MNAT1: variants seen among roughly 807,000 people sequenced by gnomAD.
The protein encoded by MNAT1 is CDK-activating kinase assembly factor MAT1.
A neutral mutation model predicts 42.0 loss-of-function variants in MNAT1; 43 were observed. The observed-to-expected ratio is 1.02, with a 90% confidence interval of 0.80 to 1.32. MNAT1 has a LOEUF of 1.32. MNAT1 is among the 40% of genes most tolerant of loss of function. The pLI, the probability that MNAT1 is intolerant of heterozygous loss-of-function variation, is 0.00. For missense variants in MNAT1, 306 were observed against 350.4 expected, an observed-to-expected ratio of 0.87 and a Z score of 1.01; for synonymous variants, 118 against 120.0, an observed-to-expected ratio of 0.98 and a Z score of 0.11.
chr14:60,917,503 C>T (rs2035547522), intron 7 of MNAT1, among the ~76,000 whole-genome samples: 2 of 152,174 alleles, frequency 1.3e-5, no homozygotes, highest in East Asian at 1.9e-4. Flanking sequence ...CAGTGCCCTT[C>T]GAATGCAACT....
Position 60,968,419 on chromosome 14 carries a change from A to G in MNAT1, c.*70A>G. ...AAAAGTAAAGCAGACTTATAAAATT[A>G]TAGCTATGTGCAGCTGCACAACACA... On this transcript the variant is annotated 3_prime_UTR_variant, in exon 8 of 8. Transcript: ENST00000261245. 6.4e-7 allele frequency: 1 copy of G among 1,567,968 alleles called. No homozygotes were observed. Among genetic ancestry groups the G allele is most frequent in the Non-Finnish European group, 8.6e-7 (1 of 1,159,498 alleles).
In MNAT1 at chr14:60,930,324, C is replaced by T. The variant is rs142224340; in HGVS notation, c.810-37905C>T. ...TGTTCATTTTTGTTTCTCCATCTCA[C>T]TATACTCTACCCTGTCCCCTCATAC... On this transcript the variant is annotated intron_variant, in intron 7 of 7. Transcript: ENST00000261245. 1.7e-4 allele frequency among the ~76,000 whole-genome samples: 25 copies of T among 151,338 alleles called. No individual in the cohort carries two copies. The East Asian group carries it at 4.5e-3, about 27-fold the overall frequency.
intron 1 of MNAT1, among the ~76,000 whole-genome samples, chr14:60,795,303 CTGAG>C (rs1308769137): frequency 1.3e-5 from 2 of 152,152 alleles, no homozygotes; most frequent in African/African-American, 4.8e-5. Context: ...ACCTGCCTGA[CTGAG>C]TGGTAGTATG....
intron 1 of MNAT1, among the ~76,000 whole-genome samples, chr14:60,773,676 A>G (rs2031147068): frequency 6.6e-6 from 1 of 152,098 alleles, no homozygotes; most frequent in Admixed American, 6.6e-5. Flanking sequence ...CAGAAAGAAC[A>G]GGAATTGTTG....
chr14:60,792,604 T>C (rs1330188155), intron 1 of MNAT1, among the ~76,000 whole-genome samples: 2 of 152,218 alleles, frequency 1.3e-5, no homozygotes, highest in East Asian at 3.8e-4. Flanking sequence ...AAGTCTTAAG[T>C]ATAGAGTTTT....
At chr14:60,815,132 T>G (rs1424293398) in intron 5 of MNAT1, among the ~76,000 whole-genome samples, 1 of 152,178 alleles carries the variant, frequency 6.6e-6, no homozygotes, top group Non-Finnish European at 1.5e-5. Context: ...GCTTTTAACA[T>G]TTTATGTTCC....
chr14:60,802,520 T>G (rs903085907), intron 3 of MNAT1, among the ~76,000 whole-genome samples: 1 of 152,180 alleles, frequency 6.6e-6, no homozygotes, highest in Non-Finnish European at 1.5e-5. Context: ...GATTTTATCT[T>G]GTGGCTAAGA....
At chr14:60,784,203 T>TTTTTTTTTTTC (rs1555374426) in intron 1 of MNAT1, among the ~76,000 whole-genome samples, 1 of 145,266 alleles carries the variant, frequency 6.9e-6, no homozygotes, top group Non-Finnish European at 1.5e-5. Context: ...TTTTTTTTTT[T>TTTTTTTTTTTC]AGTAGAGGCG....
chr14:60,825,300 T>G (rs1002468404), intron 6 of MNAT1, among the ~76,000 whole-genome samples: 1 of 152,154 alleles, frequency 6.6e-6, no homozygotes, highest in Non-Finnish European at 1.5e-5. Context: ...TGGCATAGTA[T>G]TTACATGAAT....
intron 1 of MNAT1, among the ~76,000 whole-genome samples, chr14:60,774,068 TA>T (rs1248872026): frequency 3.3e-5 from 5 of 152,310 alleles, no homozygotes; most frequent in Non-Finnish European, 5.9e-5. Flanking sequence ...GATTGGATGG[TA>T]AAAAAGTCCT....
At chr14:60,910,840 C>A (rs1203425860) in intron 7 of MNAT1, among the ~76,000 whole-genome samples, 2 of 152,078 alleles carry the variant, frequency 1.3e-5, no homozygotes, top group Non-Finnish European at 2.9e-5. Context: ...TGGCCTCATA[C>A]AATGCATTAG....
intron 5 of MNAT1, among the ~76,000 whole-genome samples, chr14:60,814,001 T>C (rs1385092094): frequency 6.6e-6 from 1 of 152,136 alleles, no homozygotes; most frequent in Non-Finnish European, 1.5e-5. Flanking sequence ...AGAGTGACAT[T>C]ATAACTGAGA....
intron 6 of MNAT1, among the ~76,000 whole-genome samples, chr14:60,869,543 G>A (rs954959196): frequency 2.0e-5 from 3 of 152,038 alleles, no homozygotes; most frequent in Non-Finnish European, 4.4e-5. Context: ...GAAGATGAGG[G>A]TAGTTTGATG....
At chr14:60,886,666 T>C (rs192789365) in intron 7 of MNAT1, among the ~76,000 whole-genome samples, 3 of 152,256 alleles carry the variant, frequency 2.0e-5, no homozygotes, top group Non-Finnish European at 4.4e-5. Context: ...TGATTTTTTT[T>C]TCAGATACTT....
intron 1 of MNAT1, among the ~76,000 whole-genome samples, chr14:60,792,873 T>A (rs2031872265): frequency 6.6e-6 from 1 of 152,182 alleles, no homozygotes; most frequent in African/African-American, 2.4e-5. Context: ...TTCAGCAGAT[T>A]TTTCTGTTTT....
intron 7 of MNAT1, among the ~76,000 whole-genome samples, chr14:60,891,252 A>T (rs1294868571): frequency 1.3e-5 from 2 of 151,934 alleles, no homozygotes; most frequent in Admixed American, 6.6e-5. Context: ...TTAGCTAAAG[A>T]TCTGGTAATT....
intron 7 of MNAT1, among the ~76,000 whole-genome samples, chr14:60,891,799 C>G (rs530772480): frequency 6.6e-6 from 1 of 152,062 alleles, no homozygotes; most frequent in Non-Finnish European, 1.5e-5. Flanking sequence ...TATAAATTTT[C>G]CTCTTAGTAC....
intron 7 of MNAT1, among the ~76,000 whole-genome samples, chr14:60,914,404 C>G (rs1010579272): frequency 6.6e-6 from 1 of 152,056 alleles, no homozygotes; most frequent in African/African-American, 2.4e-5. Context: ...AATCACCTGT[C>G]TTCTGCATTG....
At chr14:60,820,671 C>T (rs2032861179) in intron 6 of MNAT1, among the ~76,000 whole-genome samples, 1 of 151,980 alleles carries the variant, frequency 6.6e-6, no homozygotes, top group Non-Finnish European at 1.5e-5. Context: ...GGATAATTGC[C>T]ATCATTTCTT....
Sources: allele counts gnomAD v4.1 joint callset (sites outside exome capture counted in the v4.1 genomes callset), GRCh38; gene constraint gnomAD v4.1.1; transcripts MANE v1.5; gene names NCBI Gene and HGNC (gene_info 2026-07-23, HGNC 2026-07-21).